Variants in NGFR observed in about 807,000 individuals in gnomAD.
The protein encoded by NGFR is nerve growth factor receptor.
A neutral mutation model predicts 43.2 loss-of-function variants in NGFR; 30 were observed. The ratio of observed to expected loss-of-function variants is 0.69; its 90% CI spans 0.52 to 0.94. The LOEUF is 0.94. NGFR is among the 40% of genes least tolerant of loss of function. The pLI, the probability that NGFR is intolerant of heterozygous loss-of-function variation, is 0.00. For missense variants in NGFR, 529 were observed against 602.5 expected (o/e 0.88, Z 1.28); for synonymous variants, 246 against 259.6 (o/e 0.95, Z 0.50).
chr17:49,501,350 C>T (rs1044107479), intron 1 of NGFR, among the ~76,000 whole-genome samples: 1 of 152,178 alleles, frequency 6.6e-6, no homozygotes, highest in Non-Finnish European at 1.5e-5. Context: ...CATCTTGGTG[C>T]GAGGCTTTTG....
intron 2 of NGFR, chr17:49,505,622 T>C (rs1477833946): frequency 6.6e-6 from 1 of 152,300 alleles, no homozygotes; most frequent in Non-Finnish European, 1.5e-5. Context: ...TGCTCAACAA[T>C]ATCCATCTGA....
In NGFR at chr17:49,514,334, A is replaced by T. The variant is rs11466170; in HGVS notation, c.*1325A>T. The T allele has an allele frequency of 0.015, 2,368 of 153,982 alleles. 59 individuals carry two copies. Among genetic ancestry groups the T allele is most frequent in the African/African-American group, 0.054 (2,267 of 41,636 alleles). 9.5% of individuals were successfully genotyped at this position (153,982 alleles called of 1,614,324 possible). A position where few individuals can be genotyped will look rare whatever the true frequency, so the allele number is the denominator to read the frequency against. ...GGCTGGGCCCAGAAGGTTGTGATGA[A>T]GAAAAGTGGGCCAGTGTGGGAATGC... is the stretch of plus-strand genomic sequence containing the variant. On this transcript the variant is annotated 3_prime_UTR_variant, in exon 6 of 6. Transcript: ENST00000172229.
chr17:49,506,771 T>C (rs2071202380), intron 3 of NGFR, 113 bp downstream of exon 3: 1 of 1,080,500 alleles, frequency 9.3e-7, no homozygotes. Context: ...CTGGGGCAGC[T>C]TGGTGACCTT....
At position 49,513,357 on chromosome 17, in the gene NGFR, A is replaced by T. The variant is rs988406592; in HGVS notation, c.*348A>T. 6.8e-6 allele frequency: 2 copies of T among 294,612 alleles called. No individual in the cohort carries two copies. 18.2% of individuals were successfully genotyped at this position (294,612 alleles called of 1,614,324 possible). ...CAGGTGTCATATATGGGGGGCCAACACCAGGGATGGTACTAGGGGGAAGTG... is the reference window on the plus strand; with the variant it reads ...CAGGTGTCATATATGGGGGGCCAACTCCAGGGATGGTACTAGGGGGAAGTG... On this transcript the variant is annotated 3_prime_UTR_variant, in exon 6 of 6. Transcript: ENST00000172229.
At chr17:49,511,531 T>TTC (rs1336635789) in intron 4 of NGFR, among the ~76,000 whole-genome samples, 1 of 152,084 alleles carries the variant, frequency 6.6e-6, no homozygotes. Flanking sequence ...TTTTTTTTTT[T>TTC]TTCCAGTTTT....
In NGFR at chr17:49,502,209, GT is replaced by G; in HGVS notation, c.208+6del. 6.3e-7 allele frequency: 1 copy of G among 1,591,454 alleles called. No individual in the cohort carries two copies. The highest frequency in any genetic ancestry group is 8.6e-7 in the Non-Finnish European group (1 of 1,165,522). On this transcript the variant is annotated splice_donor_region_variant and intron_variant, in intron 2 of 5. Transcript: ENST00000172229. ...TGTGTGAGCCCTGCCTGGACAGTGA[GT>G]AGAGGGTGGCGGGCAGGAGGAGGGG...
chr17:49,502,000 A>ACCCCCCCCCCCCCCCCCCCCCCCACCC, intron 1 of NGFR, 63 bp from the exon 2 acceptor site: 1 of 264,886 alleles, frequency 3.8e-6, no homozygotes, highest in Non-Finnish European at 7.9e-6. Context: ...CCCCGGAAGA[A>ACCCCCCCCCCCCCCCCCCCCCCCACCC]CCCCCCCCAA....
chr17:49,506,699 G>GGGGGGGCC, intron 3 of NGFR, 41 bp downstream of exon 3: 2 of 402,094 alleles, frequency 5.0e-6, no homozygotes, highest in Non-Finnish European at 8.5e-6. Flanking sequence ...GGGGTGCGGG[G>GGGGGGGCC]GTGGGCTGGG....
At chr17:49,509,816 G>T (rs1160717868) in intron 3 of NGFR, among the ~76,000 whole-genome samples, 1 of 152,326 alleles carries the variant, frequency 6.6e-6, no homozygotes, top group African/African-American at 2.4e-5. Flanking sequence ...TTCCACCCAA[G>T]CCTAGAGCCT....
rs2072446 is a variant in NGFR, at chr17:49,510,457, C to T, written c.614C>T (p.Ser205Leu). ...WITRSTPPEG[S>L]DSTAPSTQEP... ...ACACGGTCCACACCCCCAGAGGGCT[C>T]GGACAGCACAGCCCCCAGCACCCAG... The change falls in exon 4 of 6, where the codon TCG becomes TTG. Residue 205 changes from serine (S) to leucine (L), a missense_variant. By Grantham distance (145) the Ser-to-Leu change is moderately radical. Coordinates refer to ENST00000172229, the MANE Select transcript of NGFR (RefSeq NM_002507.4). 0.049 allele frequency: 79,635 copies of T among 1,614,018 alleles called. 2,211 individuals are homozygous for T. The highest frequency in any genetic ancestry group is 0.11 in the East Asian group (4,831 of 44,862).
intron 2 of NGFR, among the ~76,000 whole-genome samples, chr17:49,502,893 T>A (rs1205902238): frequency 6.7e-6 from 1 of 149,948 alleles, no homozygotes; most frequent in East Asian, 2.0e-4. Flanking sequence ...TTTCTTTACC[T>A]TTCTTTCCTT....
intron 3 of NGFR, among the ~76,000 whole-genome samples, chr17:49,507,024 C>T (rs1567739991): frequency 6.6e-6 from 1 of 152,228 alleles, no homozygotes; most frequent in Non-Finnish European, 1.5e-5. Context: ...AAGGTGGCCA[C>T]TACCCCCAGG....
chr17:49,503,362 A>G (rs1448625565), intron 2 of NGFR, among the ~76,000 whole-genome samples: 1 of 152,116 alleles, frequency 6.6e-6, no homozygotes, highest in African/African-American at 2.4e-5. Context: ...CGGTGCCCCC[A>G]GTCCTCAGTT....
rs2071247541 is a variant in NGFR at position 49,513,304 on chromosome 17, C to G, written c.*295C>G. The G allele has an allele frequency of 2.3e-6, 1 of 442,260 alleles. No homozygotes were observed. The allele number at this position is 442,260 out of a possible 1,614,324, so 27.4% of individuals were successfully genotyped here. A position where few individuals can be genotyped will look rare whatever the true frequency, so the allele number is the denominator to read the frequency against. On this transcript the variant is annotated 3_prime_UTR_variant, in exon 6 of 6. Coordinates refer to ENST00000172229, the MANE Select transcript of NGFR (RefSeq NM_002507.4). ...CCACCTGCCCCCTTCTCCCACACTG[C>G]TAGGTGGGCCAGCCCCTCCCACCAC... is the stretch of plus-strand genomic sequence containing the variant.
Position 49,506,640 on chromosome 17 carries a change from GCCGACGC to G in NGFR, c.552_558del (p.Asp185SerfsTer38). ...CCAGCTCCGCGAGTGCACACGCTGGGCCGACGCCGAGTGCGAGGGTGAGTGCGGTTCG... is the reference window on the plus strand; with the variant it reads ...CCAGCTCCGCGAGTGCACACGCTGGGCGAGTGCGAGGGTGAGTGCGGTTCG... On this transcript the variant is annotated frameshift_variant, in exon 3 of 6. Transcript: ENST00000172229. LOFTEE classifies it high-confidence loss of function. 1 of 1,529,676 alleles carries G rather than the reference GCCGACGC, an allele frequency of 6.5e-7. No homozygotes were observed. Among genetic ancestry groups the G allele is most frequent in the Non-Finnish European group, 8.8e-7 (1 of 1,133,994 alleles). 94.8% of individuals were successfully genotyped at this position (1,529,676 alleles called of 1,614,324 possible).
rs1010680349 is a variant in NGFR, at chr17:49,506,677, G to A, written c.568+19G>A. On this transcript the variant is annotated intron_variant, in intron 3 of 5. Coordinates refer to ENST00000172229, the MANE Select transcript of NGFR (RefSeq NM_002507.4). ...TGCGAGGGTGAGTGCGGTTCGGGGGGCGGGGGGAGTGGGGGTGCGGGGGTG... is the reference window on the plus strand; with the variant it reads ...TGCGAGGGTGAGTGCGGTTCGGGGGACGGGGGGAGTGGGGGTGCGGGGGTG... 2.9e-6 allele frequency: 4 copies of A among 1,384,582 alleles called. No homozygotes were observed. Among genetic ancestry groups the A allele is most frequent in the African/African-American group, 2.9e-5 (2 of 68,304 alleles). 85.8% of individuals were successfully genotyped at this position (1,384,582 alleles called of 1,614,324 possible).
chr17:49,508,272 T>C (rs1021691291), intron 3 of NGFR, among the ~76,000 whole-genome samples: 9 of 152,168 alleles, frequency 5.9e-5, no homozygotes, highest in African/African-American at 2.2e-4. Context: ...GCGGGGGGAC[T>C]TGGGGGCGCT....
Position 49,512,123 on chromosome 17 carries a change from T to C in NGFR, c.982+71T>C, listed in dbSNP as rs1293885869. ...GAAACAGAAGCAATTAAGATTAGACTCCAGGAAGGACTGTCGGGGGGGCGG... is the reference window on the plus strand; with the variant it reads ...GAAACAGAAGCAATTAAGATTAGACCCCAGGAAGGACTGTCGGGGGGGCGG... On this transcript the variant is annotated intron_variant, in intron 5 of 5. Coordinates refer to ENST00000172229, the MANE Select transcript of NGFR (RefSeq NM_002507.4). The surrounding 1 kb of genome is among the most constrained non-coding windows in gnomAD (Gnocchi z 5.2). 4.0e-5 allele frequency: 61 copies of C among 1,536,938 alleles called. No individual in the cohort carries two copies. Among genetic ancestry groups the C allele is most frequent in the Non-Finnish European group, 5.2e-5 (59 of 1,137,176 alleles).
chr17:49,510,480 C>G lies in NGFR; in HGVS notation c.637C>G (p.Gln213Glu), dbSNP rs749327534. The G allele has an allele frequency of 2.5e-6, 4 of 1,614,138 alleles. No homozygotes were observed. In the African/African-American group the frequency reaches 4.0e-5, roughly 16 times the overall value. ...CTCGGACAGCACAGCCCCCAGCACC[C>G]AGGAGCCTGAGGCACCTCCAGAACA... ...EGSDSTAPST[Q>E]EPEAPPEQDL... The change falls in exon 4 of 6, where the codon CAG (glutamine) becomes GAG (glutamate). Residue 213 changes from glutamine to glutamate, a missense_variant. Gln to Glu is a conservative substitution (Grantham distance 29, BLOSUM62 2). Transcript: ENST00000172229.
Sources: gnomAD v4.1 joint callset for allele counts (sites outside exome capture counted in the v4.1 genomes callset) on GRCh38, gnomAD v4.1.1 for gene constraint, Gnocchi (gnomAD v3.1) non-coding constraint, MANE v1.5 for transcripts, NCBI Gene and HGNC (gene_info 2026-07-23, HGNC 2026-07-21) for gene names.